The following SCRG1 variants were observed in gnomAD, a reference collection of about 807,000 sequenced individuals.
SCRG1 encodes the protein stimulator of chondrogenesis 1.
A neutral mutation model predicts 7.7 loss-of-function variants in SCRG1; 3 were observed. The observed-to-expected ratio is 0.39, with a 90% CI of 0.18 to 1.01. The LOEUF is 1.01. Among genes scored for constraint, SCRG1 ranks in the 50% least tolerant of loss-of-function variants. SCRG1 has a pLI of 0.36. For missense variants in SCRG1, 110 were observed against 117.2 expected (o/e 0.94, Z 0.28); for synonymous variants, 46 against 41.2 (o/e 1.12, Z -0.44).
At chr4:173,392,899 T>C (rs1185733806) in intron 1 of SCRG1, among the ~76,000 whole-genome samples, 1 of 152,188 alleles carries the variant, frequency 6.6e-6, no homozygotes, top group East Asian at 1.9e-4. Flanking sequence ...GAAACCAGCC[T>C]GCCCAACATG....
chr4:173,405,407 C>T (rs768136490), intron 1 of SCRG1, among the ~76,000 whole-genome samples: 3 of 152,096 alleles, frequency 2.0e-5, no homozygotes, highest in African/African-American at 2.4e-5. Context: ...AAGTCGTTTT[C>T]GTTATGTGGC....
the SCRG1 span, chr4:173,467,836 A>T: frequency 1.3e-5 from 2 of 152,236 alleles, no homozygotes; most frequent in African/African-American, 2.4e-5. Flanking sequence ...ATCTAAAAAA[A>T]CAAACAAACC....
At chr4:173,426,001 C>T in the SCRG1 span, among the ~76,000 whole-genome samples, 3 of 152,108 alleles carry the variant, frequency 2.0e-5, no homozygotes, top group African/African-American at 7.2e-5. Flanking sequence ...GGGCTGAGGC[C>T]CCAAGCTAAC....
chr4:173,401,052 T>C (rs1038752975), upstream of SCRG1, among the ~76,000 whole-genome samples: 4 of 152,154 alleles, frequency 2.6e-5, no homozygotes, highest in African/African-American at 9.7e-5. Context: ...ACAGCAGTGC[T>C]GGGAGAACAA....
the SCRG1 span, among the ~76,000 whole-genome samples, chr4:173,471,494 C>T: frequency 6.6e-6 from 1 of 152,078 alleles, no homozygotes; most frequent in East Asian, 1.9e-4. Flanking sequence ...CTACCAACCT[C>T]GTCCATCCTG....
the SCRG1 span, among the ~76,000 whole-genome samples, chr4:173,505,280 C>A: frequency 6.6e-6 from 1 of 152,104 alleles, no homozygotes; most frequent in African/African-American, 2.4e-5. This position sits in a 1 kb window ranked among gnomAD's most constrained non-coding sequence, Gnocchi z 4.4. Context: ...GACTCTTTAA[C>A]AACAATTTAT....
At chr4:173,445,854 C>T in the SCRG1 span, among the ~76,000 whole-genome samples, 1 of 151,604 alleles carries the variant, frequency 6.6e-6, no homozygotes, top group African/African-American at 2.4e-5. Context: ...TTAGTAGAGA[C>T]GAGGTTTCAC....
At chr4:173,469,241 G>C in the SCRG1 span, 1 of 151,786 alleles carries the variant, frequency 6.6e-6, no homozygotes, top group Admixed American at 6.6e-5. Context: ...AAAAAAGAGG[G>C]GCAAAGCAAT....
upstream of SCRG1, among the ~76,000 whole-genome samples, chr4:173,400,507 G>GA (rs1017600299): frequency 3.3e-5 from 5 of 152,154 alleles, no homozygotes; most frequent in Non-Finnish European, 7.4e-5. Context: ...TAGAGCTTAG[G>GA]AAAAAGCCTG....
intron 1 of SCRG1, among the ~76,000 whole-genome samples, chr4:173,392,217 A>G (rs966311360): frequency 2.0e-5 from 3 of 152,212 alleles, no homozygotes; most frequent in African/African-American, 7.2e-5. Flanking sequence ...ATATATTTAT[A>G]GTTTGATTGT....
the SCRG1 span, chr4:173,469,809 G>A: frequency 2.0e-5 from 3 of 152,270 alleles, no homozygotes; most frequent in African/African-American, 7.2e-5. Flanking sequence ...AATTTACGCC[G>A]GCATCAGGGC....
chr4:173,471,479 A>C, the SCRG1 span, among the ~76,000 whole-genome samples: 44 of 152,282 alleles, frequency 2.9e-4, no homozygotes, highest in South Asian at 3.3e-3. Context: ...TCTTGTCTTA[A>C]GTTTCTACCA....
chr4:173,466,178 C>G, the SCRG1 span, among the ~76,000 whole-genome samples: 1 of 152,094 alleles, frequency 6.6e-6, no homozygotes, highest in Admixed American at 6.5e-5. Context: ...GAACAAGTTT[C>G]TTTTTTATTT....
chr4:173,449,848 T>C, the SCRG1 span, among the ~76,000 whole-genome samples: 2 of 152,172 alleles, frequency 1.3e-5, no homozygotes, highest in Non-Finnish European at 2.9e-5. Flanking sequence ...CCCTTCTCAG[T>C]TTTGCCTGAC....
At chr4:173,471,088 C>A in the SCRG1 span, among the ~76,000 whole-genome samples, 2 of 152,068 alleles carry the variant, frequency 1.3e-5, no homozygotes. Flanking sequence ...AGTCATTACT[C>A]CTGGATACTA....
chr4:173,410,806 A>C (rs1040533859), upstream of SCRG1, among the ~76,000 whole-genome samples: 2 of 152,150 alleles, frequency 1.3e-5, no homozygotes, highest in Non-Finnish European at 1.5e-5. Flanking sequence ...AAGAGACTGG[A>C]CTCTAAGGAA....
At chr4:173,469,288 T>G in the SCRG1 span, 6 of 152,256 alleles carry the variant, frequency 3.9e-5, no homozygotes, top group Admixed American at 2.6e-4. Context: ...AATTAAATCT[T>G]TTTAGGATTT....
chr4:173,505,958 A>T, the SCRG1 span, among the ~76,000 whole-genome samples: 11 of 152,160 alleles, frequency 7.2e-5, no homozygotes, highest in Non-Finnish European at 1.6e-4. The surrounding 1 kb of genome is among the most constrained non-coding windows in gnomAD (Gnocchi z 4.4). Context: ...TGGCACTTGG[A>T]AGTTAGGAAC....
At chr4:173,417,575 ATAAC>A in the SCRG1 span, among the ~76,000 whole-genome samples, 3 of 152,066 alleles carry the variant, frequency 2.0e-5, no homozygotes, top group African/African-American at 7.2e-5. Flanking sequence ...TTTCTTCTTC[ATAAC>A]TAGTCTCCCT....
Sources: gnomAD v4.1 joint callset for allele counts (sites outside exome capture counted in the v4.1 genomes callset) on GRCh38, gnomAD v4.1.1 for gene constraint, Gnocchi (gnomAD v3.1) non-coding constraint, MANE v1.5 for transcripts, NCBI Gene and HGNC (gene_info 2026-07-23, HGNC 2026-07-21) for gene names.